The following MYO3A variants were observed in gnomAD, a reference collection of about 807,000 sequenced individuals.
MYO3A encodes the protein myosin-IIIa.
A neutral mutation model predicts 192.7 loss-of-function variants in MYO3A; 180 were observed. The ratio of observed to expected loss-of-function variants is 0.93; its 90% CI spans 0.83 to 1.06. The LOEUF is 1.06. MYO3A is among the 50% of genes least tolerant of loss of function. The pLI, the probability that MYO3A is intolerant of heterozygous loss-of-function variation, is 0.00. For synonymous variants in MYO3A, 628 were observed against 645.3 expected (o/e 0.97, Z 0.41); for missense variants, 1,896 against 1,905.0 (o/e 1.00, Z 0.09).
intron 17 of MYO3A, among the ~76,000 whole-genome samples, chr10:26,120,292 C>G (rs760941806): frequency 3.4e-4 from 52 of 152,088 alleles, no homozygotes; most frequent in Non-Finnish European, 1.5e-4. Flanking sequence ...TTTAAGATGG[C>G]CTCAAGGAAA....
chr10:26,023,420 G>A (rs1842403820), intron 8 of MYO3A: 1 of 152,582 alleles, frequency 6.6e-6, no homozygotes, highest in Admixed American at 6.5e-5. Flanking sequence ...TTCAACGAAT[G>A]TGCCAAAAAA....
At chr10:26,089,641 G>A (rs2131517963) in intron 15 of MYO3A, among the ~76,000 whole-genome samples, 1 of 151,950 alleles carries the variant, frequency 6.6e-6, no homozygotes, top group South Asian at 2.1e-4. Context: ...AAACACATAT[G>A]GCTTTCAACT....
At chr10:26,134,847 T>C (rs1839754852) in intron 20 of MYO3A, among the ~76,000 whole-genome samples, 1 of 152,174 alleles carries the variant, frequency 6.6e-6, no homozygotes, top group Admixed American at 6.5e-5. Flanking sequence ...CTCTCTACCC[T>C]GGGCAATGTT....
At chr10:26,092,674 T>C (rs1435737031) in intron 15 of MYO3A, among the ~76,000 whole-genome samples, 1 of 152,164 alleles carries the variant, frequency 6.6e-6, no homozygotes, top group Non-Finnish European at 1.5e-5. Context: ...CCTGAGGGCC[T>C]TCCTGCAAGC....
rs138034435 is a variant in MYO3A at position 26,174,223 on chromosome 10, A to G, written c.3959A>G (p.Glu1320Gly). The part of the protein sequence containing the change: ...VTQRAPICSQ[E>G]EGRGRLRHET... ...CAGCGTGCACCGATATGCAGCCAGG[A>G]GGAAGGCAGAGGCCGTCTGAGGCAT... The change falls in exon 30 of 35, where the codon GAG (glutamate) becomes GGG (glycine). Residue 1320 changes from glutamate to glycine, a missense_variant. Coordinates refer to ENST00000642920, the MANE Select transcript of MYO3A (RefSeq NM_017433.5). 1.9e-5 allele frequency: 30 copies of G among 1,613,984 alleles called. No homozygotes were observed. In the African/African-American group the frequency reaches 3.6e-4, roughly 19 times the overall value.
At chr10:26,092,335 A>T (rs1306867788) in intron 15 of MYO3A, among the ~76,000 whole-genome samples, 2 of 152,006 alleles carry the variant, frequency 1.3e-5, no homozygotes, top group African/African-American at 2.4e-5. Flanking sequence ...GTGTGGTGGC[A>T]GGCGCCTGTA....
intron 20 of MYO3A, among the ~76,000 whole-genome samples, chr10:26,129,005 T>A (rs1332549881): frequency 6.6e-6 from 1 of 152,208 alleles, no homozygotes; most frequent in Non-Finnish European, 1.5e-5. Context: ...TTTGTCAGGG[T>A]ACAATGTGTA....
intron 32 of MYO3A, among the ~76,000 whole-genome samples, chr10:26,197,667 G>A (rs148691056): frequency 0.012 from 1,829 of 152,280 alleles, 30 homozygotes; most frequent in African/African-American, 0.041. Context: ...GGGTTCAACC[G>A]ATTCTCCTGC....
chr10:25,941,794 A>G (rs1836505484), intron 2 of MYO3A, among the ~76,000 whole-genome samples: 3 of 152,192 alleles, frequency 2.0e-5, no homozygotes, highest in Non-Finnish European at 2.9e-5. Context: ...AGCAACCACA[A>G]TTCTACTTTT....
At position 26,055,452 on chromosome 10, in the gene MYO3A, A is replaced by G. The variant is rs987489696; in HGVS notation, c.954-11523A>G. 9.9e-5 allele frequency among the ~76,000 whole-genome samples: 15 copies of G among 152,270 alleles called. 1 individual carries two copies. In the East Asian group the frequency reaches 2.9e-3, roughly 29 times the overall value. ...AATATCAGCTTATTGGAGCAGAAACATGCAAGCAGAGACATCCAAGGGAGC... is the reference window on the plus strand; with the variant it reads ...AATATCAGCTTATTGGAGCAGAAACGTGCAAGCAGAGACATCCAAGGGAGC... On this transcript the variant is annotated intron_variant, in intron 10 of 34. Transcript: ENST00000642920.
At chr10:26,008,878 G>A (rs1208840060) in intron 6 of MYO3A, among the ~76,000 whole-genome samples, 2 of 151,908 alleles carry the variant, frequency 1.3e-5, no homozygotes, top group East Asian at 3.9e-4. Flanking sequence ...CCATTACTGG[G>A]TATATACCCA....
chr10:26,179,028 G>A (rs945408068), intron 31 of MYO3A, among the ~76,000 whole-genome samples: 11 of 148,256 alleles, frequency 7.4e-5, no homozygotes, highest in Admixed American at 4.7e-4. Flanking sequence ...GTCTCGATCC[G>A]ACCCTGTGAT....
At chr10:25,948,194 T>C (rs1317420872) in intron 2 of MYO3A, among the ~76,000 whole-genome samples, 1 of 152,198 alleles carries the variant, frequency 6.6e-6, no homozygotes, top group East Asian at 1.9e-4. Flanking sequence ...CCAGCCCTGC[T>C]ATGTTTTAGA....
intron 17 of MYO3A, among the ~76,000 whole-genome samples, chr10:26,110,961 C>A (rs528843273): frequency 2.1e-4 from 32 of 150,818 alleles, no homozygotes; most frequent in African/African-American, 7.6e-4. Flanking sequence ...AACTCCTGAG[C>A]TCAATCTGTC....
intron 20 of MYO3A, among the ~76,000 whole-genome samples, chr10:26,132,189 T>C (rs868081210): frequency 6.6e-6 from 1 of 152,232 alleles, no homozygotes; most frequent in Non-Finnish European, 1.5e-5. Flanking sequence ...GTTTTGTGGT[T>C]TTCTTCCGTC....
At chr10:25,994,722 C>T (rs551484792) in intron 4 of MYO3A, among the ~76,000 whole-genome samples, 5 of 152,270 alleles carry the variant, frequency 3.3e-5, no homozygotes, top group South Asian at 2.1e-4. Context: ...CAAAATCTCT[C>T]GGCATTTGCT....
chr10:26,064,415 G>T (rs900839941), intron 10 of MYO3A, among the ~76,000 whole-genome samples: 1 of 152,176 alleles, frequency 6.6e-6, no homozygotes, highest in Non-Finnish European at 1.5e-5. Context: ...TGATGTTAGA[G>T]AAATAATAGG....
intron 10 of MYO3A, among the ~76,000 whole-genome samples, chr10:26,040,040 T>C (rs535882547): frequency 6.6e-6 from 1 of 152,218 alleles, no homozygotes; most frequent in East Asian, 1.9e-4. Flanking sequence ...ATTACTGCTG[T>C]CACTGTATTC....
intron 14 of MYO3A, among the ~76,000 whole-genome samples, chr10:26,086,542 A>G (rs1273158986): frequency 6.6e-6 from 1 of 152,048 alleles, no homozygotes; most frequent in Non-Finnish European, 1.5e-5. Context: ...ATCTTCTATC[A>G]GATGTGTTGA....
Sources: allele counts gnomAD v4.1 joint callset (sites outside exome capture counted in the v4.1 genomes callset), GRCh38; gene constraint gnomAD v4.1.1; transcripts MANE v1.5; gene names NCBI Gene and HGNC (gene_info 2026-07-23, HGNC 2026-07-21).